IGF1: variants seen among roughly 807,000 people sequenced by gnomAD.
The protein encoded by IGF1 is insulin-like growth factor 1.
IGF1 carries 4 observed loss-of-function variants against 13.8 expected under a neutral mutation model. The observed-to-expected ratio is 0.29, with a 90% CI of 0.14 to 0.66. The LOEUF (loss-of-function observed/expected upper bound fraction) is 0.66, where lower values mean the gene tolerates loss of function less well. Ranked by LOEUF, IGF1 falls within the 30% of genes least tolerant of loss-of-function variation. The pLI is 0.78. For missense variants in IGF1, 124 were observed against 188.5 expected, an observed-to-expected ratio of 0.66 and a Z score of 2.00; for synonymous variants, 76 against 72.6, an observed-to-expected ratio of 1.05 and a Z score of -0.23.
At chr12:102,412,974 C>CT in intron 3 of IGF1, among the ~76,000 whole-genome samples, 1 of 152,182 alleles carries the variant, frequency 6.6e-6, no homozygotes, top group Admixed American at 6.5e-5. Flanking sequence ...CCAGTTAGGC[C>CT]TTTAGGGATG....
chr12:102,470,234 C>T (rs1880599870), intron 2 of IGF1, among the ~76,000 whole-genome samples: 1 of 152,182 alleles, frequency 6.6e-6, no homozygotes, highest in South Asian at 2.1e-4. Flanking sequence ...GGTTAAATAA[C>T]TTGCTCAAGA....
chr12:102,429,954 C>T (rs1440970793), intron 2 of IGF1, among the ~76,000 whole-genome samples: 1 of 152,138 alleles, frequency 6.6e-6, no homozygotes, highest in African/African-American at 2.4e-5. Flanking sequence ...ATTAGTTGGC[C>T]TCCTTGAGAA....
At chr12:102,464,733 T>C (rs1245124017) in intron 2 of IGF1, among the ~76,000 whole-genome samples, 1 of 152,008 alleles carries the variant, frequency 6.6e-6, no homozygotes, top group East Asian at 1.9e-4. Context: ...ATCAAAGCCA[T>C]TCTCAAACAA....
chr12:102,415,451 G>A (rs1592747505), intron 3 of IGF1, among the ~76,000 whole-genome samples: 1 of 151,902 alleles, frequency 6.6e-6, no homozygotes, highest in East Asian at 1.9e-4. Flanking sequence ...CTTTAGAGTT[G>A]ATAAAACTCA....
rs992575434 is a variant in IGF1 at position 102,401,906 on chromosome 12, A to G, written c.*601T>C. ...AAAATGCATCCAACTTATATTTGGT[A>G]CAAATGCCACAGATGGAATCTTGTG... On this transcript the variant is annotated 3_prime_UTR_variant, in exon 4 of 4. Transcript: ENST00000337514. 1 of 152,652 alleles carries G rather than the reference A, an allele frequency of 6.6e-6. No homozygotes were observed. Among genetic ancestry groups the G allele is most frequent in the Non-Finnish European group, 1.5e-5 (1 of 68,036 alleles). The allele number at this position is 152,652 out of a possible 1,614,324, so 9.5% of individuals were successfully genotyped here.
At chr12:102,411,172 A>G (rs965105854) in intron 3 of IGF1, among the ~76,000 whole-genome samples, 5 of 152,200 alleles carry the variant, frequency 3.3e-5, no homozygotes, top group African/African-American at 1.2e-4. Context: ...TAATTATACT[A>G]TGCATTTATT....
At chr12:102,441,915 C>CTTCTTTTTCTT (rs1555244052) in intron 2 of IGF1, among the ~76,000 whole-genome samples, 1 of 122,138 alleles carries the variant, frequency 8.2e-6, no homozygotes, top group Admixed American at 8.8e-5. Flanking sequence ...TGCTTCTTCT[C>CTTCTTTTTCTT]CTTCTTCTTC....
chr12:102,478,562 T>G, intron 1 of IGF1: 4 of 1,598,114 alleles, frequency 2.5e-6, no homozygotes, highest in Non-Finnish European at 3.4e-6. Flanking sequence ...CCGATGTGAA[T>G]AGAAAACTGA....
chr12:102,476,940 A>C (rs1318891075), intron 1 of IGF1, among the ~76,000 whole-genome samples: 2 of 152,190 alleles, frequency 1.3e-5, no homozygotes, highest in African/African-American at 4.8e-5. Flanking sequence ...GAAGCCTCTC[A>C]AGGTGAGTGG....
intron 2 of IGF1, among the ~76,000 whole-genome samples, chr12:102,445,879 C>G (rs1878276733): frequency 6.6e-6 from 1 of 152,032 alleles, no homozygotes; most frequent in South Asian, 2.1e-4. Context: ...TTGTCATGAA[C>G]AGCTCTTATT....
At position 102,404,996 on chromosome 12, in the gene IGF1, A is replaced by T. The variant is rs1041595274; in HGVS notation, c.403-2430T>A. Among the ~76,000 whole-genome samples, 23 of 151,842 alleles carry T rather than the reference A, an allele frequency of 1.5e-4. 1 individual carries two copies. Among genetic ancestry groups the T allele is most frequent in the Admixed American group, 1.3e-4 (2 of 15,268 alleles). ...TTGGTCTCGAACTTCTGACCTTGTG[A>T]TCCACCCGCCTTGGCCTCCCAAAGT... On this transcript the variant is annotated intron_variant, in intron 3 of 3. Coordinates refer to ENST00000337514, the MANE Select transcript of IGF1 (RefSeq NM_000618.5).
intron 2 of IGF1, among the ~76,000 whole-genome samples, chr12:102,472,320 G>A (rs1880739109): frequency 6.6e-6 from 1 of 152,026 alleles, no homozygotes; most frequent in Admixed American, 6.6e-5. Flanking sequence ...AGTGGAACTT[G>A]GGCTTGAAGG....
chr12:102,448,817 T>A (rs902129504), intron 2 of IGF1, among the ~76,000 whole-genome samples: 9 of 151,828 alleles, frequency 5.9e-5, no homozygotes, highest in Non-Finnish European at 1.5e-5. Context: ...TCACTGGTCA[T>A]TAGAGAAATG....
At chr12:102,446,428 A>G (rs1339311013) in intron 2 of IGF1, among the ~76,000 whole-genome samples, 1 of 152,056 alleles carries the variant, frequency 6.6e-6, no homozygotes, top group Non-Finnish European at 1.5e-5. Context: ...TCAGGGATTC[A>G]ACTTCTTCCT....
At chr12:102,455,738 C>G (rs777708981) in intron 2 of IGF1, among the ~76,000 whole-genome samples, 3 of 152,226 alleles carry the variant, frequency 2.0e-5, no homozygotes, top group Admixed American at 6.5e-5. Context: ...GACCAGCATT[C>G]TAGTATGTCC....
Position 102,397,573 on chromosome 12 carries a change from A to G in IGF1, c.*4934T>C, listed in dbSNP as rs1873319308. The G allele has an allele frequency of 6.6e-6, 1 of 152,236 alleles. No individual in the cohort carries two copies. Among genetic ancestry groups the G allele is most frequent in the Admixed American group, 6.5e-5 (1 of 15,282 alleles). 9.4% of individuals were successfully genotyped at this position (152,236 alleles called of 1,614,324 possible). A position where few individuals can be genotyped will look rare whatever the true frequency, so the allele number is the denominator to read the frequency against. On this transcript the variant is annotated 3_prime_UTR_variant, in exon 4 of 4. Transcript: ENST00000337514. Reference sequence around the variant, plus strand: ...TTCTAATACCTAACAGGAAGGTCTTATAAAATATTAAAATAGCAATAAGCA... The same window carrying G: ...TTCTAATACCTAACAGGAAGGTCTTGTAAAATATTAAAATAGCAATAAGCA...
At chr12:102,413,406 G>T (rs1294814369) in intron 3 of IGF1, among the ~76,000 whole-genome samples, 1 of 152,166 alleles carries the variant, frequency 6.6e-6, no homozygotes, top group Non-Finnish European at 1.5e-5. Context: ...AGAAAACAAT[G>T]TTTCCCTTTA....
At chr12:102,463,934 G>A (rs754366916) in intron 2 of IGF1, among the ~76,000 whole-genome samples, 4 of 152,188 alleles carry the variant, frequency 2.6e-5, no homozygotes, top group Non-Finnish European at 4.4e-5. Flanking sequence ...GGAAGTGAGA[G>A]CACTGGATCA....
chr12:102,448,689 T>TAAAAAA lies in IGF1; in HGVS notation c.220+26948_220+26953dup, dbSNP rs58794507. On this transcript the variant is annotated intron_variant, in intron 2 of 3. Coordinates refer to ENST00000337514, the MANE Select transcript of IGF1 (RefSeq NM_000618.5). ...ATGTACCCTAAAACTTAGAGTATAATAAAAAAAAAAAAAAAAAAAAAAAAA... is the reference window on the plus strand; with the variant it reads ...ATGTACCCTAAAACTTAGAGTATAATAAAAAAAAAAAAAAAAAAAAAAAAAAAAAAA... 4.5e-5 allele frequency among the ~76,000 whole-genome samples: 5 copies of TAAAAAA among 110,298 alleles called. 1 individual carries two copies. Among genetic ancestry groups the TAAAAAA allele is most frequent in the East Asian group, 6.1e-4 (2 of 3,264 alleles). 72.4% of individuals were successfully genotyped at this position (110,298 alleles called of 152,430 possible). A position where few individuals can be genotyped will look rare whatever the true frequency, so the allele number is the denominator to read the frequency against.
Sources: gnomAD v4.1 joint callset for allele counts (sites outside exome capture counted in the v4.1 genomes callset) on GRCh38, gnomAD v4.1.1 for gene constraint, MANE v1.5 for transcripts, NCBI Gene and HGNC (gene_info 2026-07-23, HGNC 2026-07-21) for gene names.